Variants in MYO5B observed in about 807,000 individuals in gnomAD.
MYO5B encodes unconventional myosin-Vb.
A neutral mutation model predicts 229.3 loss-of-function variants in MYO5B; 143 were observed. That is an observed-to-expected ratio of 0.62 (90% CI 0.54 to 0.72). The LOEUF (loss-of-function observed/expected upper bound fraction) is 0.72. Ranked by LOEUF, MYO5B falls within the 30% of genes least tolerant of loss-of-function variation. MYO5B has a pLI of 0.00. For missense variants in MYO5B, 2,321 were observed against 2,331.0 expected, an observed-to-expected ratio of 1.00 and a Z score of 0.09; for synonymous variants, 918 against 885.2, an observed-to-expected ratio of 1.04 and a Z score of -0.66.
At chr18:50,180,774 C>A (rs1272596106) in intron 1 of MYO5B, among the ~76,000 whole-genome samples, 1 of 152,160 alleles carries the variant, frequency 6.6e-6, no homozygotes, top group East Asian at 1.9e-4. Flanking sequence ...ATACACTTAT[C>A]TTTGGGTAAC....
chr18:50,073,521 G>A (rs888095343), intron 1 of MYO5B, among the ~76,000 whole-genome samples: 11 of 152,090 alleles, frequency 7.2e-5, no homozygotes, highest in South Asian at 4.2e-4. Context: ...CCTCGTCCAT[G>A]CACCTGTTAC....
chr18:50,043,351 T>TA (rs1330290395), intron 2 of MYO5B, among the ~76,000 whole-genome samples: 3 of 83,318 alleles, frequency 3.6e-5, no homozygotes, highest in Non-Finnish European at 2.3e-5. Context: ...ATATTATATA[T>TA]AATATAAATA....
intron 22 of MYO5B, among the ~76,000 whole-genome samples, chr18:49,894,287 G>T (rs1787320): frequency 0.78 from 115,004 of 147,508 alleles, 44,920 homozygotes; most frequent in East Asian, 0.94. Context: ...TGGTGGGAGG[G>T]GGGGCGGTGG....
intron 9 of MYO5B, among the ~76,000 whole-genome samples, chr18:49,975,334 G>T (rs2025738455): frequency 6.6e-6 from 1 of 152,164 alleles, no homozygotes; most frequent in African/African-American, 2.4e-5. Context: ...TCTCTTCTGG[G>T]TGGGTAGCTT....
intron 1 of MYO5B, among the ~76,000 whole-genome samples, chr18:50,060,987 C>G (rs2030672485): frequency 6.6e-6 from 1 of 152,192 alleles, no homozygotes; most frequent in East Asian, 1.9e-4. Flanking sequence ...CCTTCATGTG[C>G]TGCAGGCCTC....
chr18:50,094,742 T>A (rs2031516905), intron 1 of MYO5B, among the ~76,000 whole-genome samples: 1 of 152,234 alleles, frequency 6.6e-6, no homozygotes, highest in Non-Finnish European at 1.5e-5. Flanking sequence ...CATAACACAC[T>A]GATGTGGTCC....
intron 31 of MYO5B, 43 bp downstream of exon 31, chr18:49,853,406 C>A (rs372936059): frequency 6.2e-7 from 1 of 1,608,164 alleles, no homozygotes; most frequent in African/African-American, 1.3e-5. Flanking sequence ...GCTTCTAGAA[C>A]GTGACTTCCC....
rs201403876 is a variant in MYO5B at position 50,055,268 on chromosome 18, C to T, written c.138G>A (p.Thr46=). The T allele has an allele frequency of 1.9e-5, 26 of 1,400,952 alleles. No individual in the cohort carries two copies. The highest frequency in any genetic ancestry group is 4.6e-5 in the South Asian group (4 of 87,620). The allele number at this position is 1,400,952 out of a possible 1,614,324, so 86.8% of individuals were successfully genotyped here. ...CCCCCTGCCCCGGACTCACTCTTAC[C>T]GTTTCATCCTCCAGTCTGAGCTGTA... is the stretch of plus-strand genomic sequence containing the variant. The part of the protein sequence containing the change: ...KSLQLRLEDE[T]ILEYPIDVQR... The change falls in exon 2 of 40, where the codon ACG becomes ACA. Residue 46 remains threonine (T), a splice_region_variant and synonymous_variant. Coordinates refer to ENST00000285039, the MANE Select transcript of MYO5B (RefSeq NM_001080467.3).
chr18:49,939,966 T>C (rs1052821268), intron 14 of MYO5B, among the ~76,000 whole-genome samples: 4 of 66,066 alleles, frequency 6.1e-5, no homozygotes, highest in African/African-American at 1.4e-4. Flanking sequence ...ATCATCTTCA[T>C]GTATGGCTAC....
In MYO5B at chr18:49,834,928, G is replaced by A. The variant is rs188516611; in HGVS notation, c.5394+416C>T. On this transcript the variant is annotated intron_variant, in intron 39 of 39. Transcript: ENST00000285039. ...GCTGGGATTACAGGAGTGAGCCACC[G>A]CACCTGGCCTATATTATAAGTCTTA... is the stretch of plus-strand genomic sequence containing the variant. Among the ~76,000 whole-genome samples the A allele has an allele frequency of 2.6e-4, 40 of 152,300 alleles. No homozygotes were observed. In the East Asian group the frequency reaches 4.4e-3, roughly 17 times the overall value.
chr18:49,856,723 C>T (rs142448399), intron 30 of MYO5B, 90 bp downstream of exon 30: 14,009 of 1,109,002 alleles, frequency 0.013, 688 homozygotes, highest in South Asian at 0.12. Flanking sequence ...CCCGTGCTCT[C>T]GCACCCACTG....
intron 34 of MYO5B, among the ~76,000 whole-genome samples, chr18:49,842,774 G>C (rs2024074903): frequency 6.6e-6 from 1 of 152,168 alleles, no homozygotes; most frequent in African/African-American, 2.4e-5. Flanking sequence ...GCCTCACCTT[G>C]GGAGGTGATG....
At chr18:49,993,285 A>T (rs1384602863) in intron 5 of MYO5B, among the ~76,000 whole-genome samples, 1 of 151,946 alleles carries the variant, frequency 6.6e-6, no homozygotes, top group East Asian at 1.9e-4. Context: ...AAAGAAGTTG[A>T]AAGAAAAGCC....
At chr18:50,013,440 G>A (rs1264681589) in intron 4 of MYO5B, among the ~76,000 whole-genome samples, 1 of 152,208 alleles carries the variant, frequency 6.6e-6, no homozygotes, top group Non-Finnish European at 1.5e-5. Context: ...CATTTCAATA[G>A]ATGAGAAAAC....
chr18:50,088,520 GGTTT>G (rs1599011872), intron 1 of MYO5B, among the ~76,000 whole-genome samples: 1 of 152,110 alleles, frequency 6.6e-6, no homozygotes, highest in African/African-American at 2.4e-5. Flanking sequence ...TTTAACTCCA[GGTTT>G]GTTAGGAATA....
rs187818813 is a variant in MYO5B, at chr18:49,823,950, A to G, written c.*2521T>C. On this transcript the variant is annotated 3_prime_UTR_variant, in exon 40 of 40. Transcript: ENST00000285039. Reference sequence around the variant, plus strand: ...TGATATCACCTTGAACATTAAAATTATTCCCACAGCAACACTTATTTCAGA... The same window carrying G: ...TGATATCACCTTGAACATTAAAATTGTTCCCACAGCAACACTTATTTCAGA... 6.5e-6 allele frequency: 1 copy of G among 152,796 alleles called. No homozygotes were observed. Among genetic ancestry groups the G allele is most frequent in the Non-Finnish European group, 1.5e-5 (1 of 68,036 alleles). The allele number at this position is 152,796 out of a possible 1,614,324, so 9.5% of individuals were successfully genotyped here.
intron 1 of MYO5B, among the ~76,000 whole-genome samples, chr18:50,071,897 G>C (rs1427289924): frequency 6.6e-6 from 1 of 152,254 alleles, no homozygotes; most frequent in African/African-American, 2.4e-5. Flanking sequence ...TGAGTCCCAT[G>C]CTCCAGCCCC....
At chr18:50,039,371 A>T (rs1598972072) in intron 3 of MYO5B, among the ~76,000 whole-genome samples, 1 of 152,102 alleles carries the variant, frequency 6.6e-6, no homozygotes, top group Non-Finnish European at 1.5e-5. Context: ...TCACTTTGTC[A>T]CCCAGGCTGG....
intron 10 of MYO5B, among the ~76,000 whole-genome samples, chr18:49,968,775 A>G (rs1367200137): frequency 6.6e-6 from 1 of 151,960 alleles, no homozygotes; most frequent in Non-Finnish European, 1.5e-5. Context: ...GAGGGCACTG[A>G]CTTTTTTAGC....
Sources: allele counts gnomAD v4.1 joint callset (sites outside exome capture counted in the v4.1 genomes callset), GRCh38; gene constraint gnomAD v4.1.1; transcripts MANE v1.5; gene names NCBI Gene and HGNC (gene_info 2026-07-23, HGNC 2026-07-21).